Variants in RORA observed in about 807,000 individuals in gnomAD.
RORA encodes nuclear receptor ROR-alpha.
RORA carries 7 observed loss-of-function variants against 69.5 expected under a neutral mutation model. The ratio of observed to expected loss-of-function variants is 0.10; its 90% CI spans 0.06 to 0.19. RORA has a LOEUF of 0.19. RORA is among the 10% of genes least tolerant of loss of function. The probability of loss-of-function intolerance (pLI) is 1.00; values close to 1 mark genes in which losing one functional copy is unlikely to be tolerated. For missense variants in RORA, 457 were observed against 663.0 expected (o/e 0.69, Z 3.41); for synonymous variants, 261 against 240.8 (o/e 1.08, Z -0.78).
At chr15:61,194,323 G>A (rs914402693) in intron 1 of RORA, among the ~76,000 whole-genome samples, 2 of 152,170 alleles carry the variant, frequency 1.3e-5, no homozygotes, top group African/African-American at 4.8e-5. Flanking sequence ...ACTTTGGGAG[G>A]CAGAGGCAGG....
At chr15:60,889,350 C>T (rs966090208) in intron 1 of RORA, among the ~76,000 whole-genome samples, 1 of 136,288 alleles carries the variant, frequency 7.3e-6, no homozygotes, top group Admixed American at 7.5e-5. Context: ...GGGAGTGGGG[C>T]GGGGGGGGGG....
At chr15:60,882,598 T>C (rs2073695432) in intron 1 of RORA, among the ~76,000 whole-genome samples, 1 of 151,374 alleles carries the variant, frequency 6.6e-6, no homozygotes, top group Admixed American at 6.6e-5. Flanking sequence ...TACAGCATGT[T>C]TATTCTAAAA....
Position 61,064,288 on chromosome 15 carries a change from C to T in RORA, c.166+164765G>A, listed in dbSNP as rs57996261. Among the ~76,000 whole-genome samples the T allele has an allele frequency of 3.4e-3, 512 of 152,308 alleles. 1 individual carries two copies. The highest frequency in any genetic ancestry group is 0.012 in the African/African-American group (486 of 41,552). On this transcript the variant is annotated intron_variant, in intron 1 of 10. Coordinates refer to ENST00000335670, the MANE Select transcript of RORA (RefSeq NM_134261.3). The stretch of plus-strand genomic sequence containing the variant: ...ATTCACTTGAGTCACAGTTTCCATC[C>T]GCGAAGGTTGTCCAGGTAATTTTAG...
At chr15:60,699,009 A>G (rs1357655973) in intron 1 of RORA, among the ~76,000 whole-genome samples, 1 of 152,060 alleles carries the variant, frequency 6.6e-6, no homozygotes, top group Non-Finnish European at 1.5e-5. Context: ...AGACTTCTGT[A>G]TAGTTAATCA....
At chr15:60,690,567 T>A (rs1356837913) in intron 1 of RORA, among the ~76,000 whole-genome samples, 1 of 152,148 alleles carries the variant, frequency 6.6e-6, no homozygotes, top group East Asian at 1.9e-4. Flanking sequence ...TGTTCTTGAG[T>A]CTCTTTGCTA....
chr15:60,724,019 A>T (rs1419018337), intron 1 of RORA, among the ~76,000 whole-genome samples: 2 of 152,138 alleles, frequency 1.3e-5, no homozygotes, highest in Non-Finnish European at 2.9e-5. Flanking sequence ...AATGTACCAA[A>T]TCTGATAGTG....
intron 1 of RORA, among the ~76,000 whole-genome samples, chr15:60,729,799 T>A (rs888854342): frequency 3.3e-5 from 5 of 152,232 alleles, no homozygotes; most frequent in African/African-American, 1.2e-4. Flanking sequence ...AAATATGAAG[T>A]CTAATCCAAC....
intron 1 of RORA, among the ~76,000 whole-genome samples, chr15:60,851,967 T>G (rs983000903): frequency 6.6e-6 from 1 of 152,146 alleles, no homozygotes; most frequent in African/African-American, 2.4e-5. Context: ...CCATCAAGTC[T>G]CCAAGGTATC....
At chr15:60,840,681 A>C (rs906616555) in intron 1 of RORA, among the ~76,000 whole-genome samples, 1 of 152,236 alleles carries the variant, frequency 6.6e-6, no homozygotes, top group African/African-American at 2.4e-5. Flanking sequence ...AGAGCGAATG[A>C]GCTCTGTGTT....
chr15:60,960,884 G>C (rs1893398624), intron 1 of RORA, among the ~76,000 whole-genome samples: 1 of 152,098 alleles, frequency 6.6e-6, no homozygotes, highest in Non-Finnish European at 1.5e-5. Context: ...AGCAACCCAA[G>C]AGACCGACAC....
intron 2 of RORA, among the ~76,000 whole-genome samples, chr15:60,621,426 A>G (rs1430631724): frequency 6.6e-6 from 1 of 152,140 alleles, no homozygotes; most frequent in Non-Finnish European, 1.5e-5. Flanking sequence ...ACCGGGGCAC[A>G]CACAGAGAGC....
chr15:60,843,311 G>A (rs770169246), intron 1 of RORA, among the ~76,000 whole-genome samples: 3 of 152,152 alleles, frequency 2.0e-5, no homozygotes, highest in Admixed American at 6.5e-5. Context: ...AATCAGACAC[G>A]GTAGAAGGGA....
At chr15:60,565,079 TGAAGAA>T (rs1337894259) in intron 2 of RORA, among the ~76,000 whole-genome samples, 1 of 152,152 alleles carries the variant, frequency 6.6e-6, no homozygotes, top group Non-Finnish European at 1.5e-5. Context: ...ATCAGAGCTT[TGAAGAA>T]GAACACTGTC....
intron 1 of RORA, among the ~76,000 whole-genome samples, chr15:61,124,433 C>A (rs979175114): frequency 2.0e-5 from 3 of 152,122 alleles, no homozygotes; most frequent in Non-Finnish European, 2.9e-5. Context: ...CTCTGCCCCT[C>A]TGAGAGCAGA....
At chr15:60,897,043 G>A (rs767565827) in intron 1 of RORA, among the ~76,000 whole-genome samples, 9 of 152,146 alleles carry the variant, frequency 5.9e-5, no homozygotes, top group Non-Finnish European at 1.3e-4. Context: ...TTCAGGAGTG[G>A]GTCCTGGGGT....
At chr15:60,808,317 A>G (rs1319878138) in intron 1 of RORA, among the ~76,000 whole-genome samples, 2 of 151,660 alleles carry the variant, frequency 1.3e-5, no homozygotes, top group East Asian at 3.8e-4. Context: ...AAAAATGCTC[A>G]TCATCACTAA....
At chr15:60,668,645 ACAAT>A (rs1567148401) in intron 2 of RORA, among the ~76,000 whole-genome samples, 15 of 152,198 alleles carry the variant, frequency 9.9e-5, no homozygotes, top group Non-Finnish European at 1.5e-5. Flanking sequence ...GAGACTGGTA[ACAAT>A]CAATTATCCC....
At chr15:61,142,792 C>T (rs1002975794) in intron 1 of RORA, among the ~76,000 whole-genome samples, 1 of 151,952 alleles carries the variant, frequency 6.6e-6, no homozygotes, top group African/African-American at 2.4e-5. Context: ...AAAAAGCATT[C>T]GACAAAATCA....
intron 1 of RORA, among the ~76,000 whole-genome samples, chr15:61,159,660 G>T (rs2079477060): frequency 6.6e-6 from 1 of 152,136 alleles, no homozygotes; most frequent in Admixed American, 6.5e-5. Flanking sequence ...ATACATTTAG[G>T]TGACATATTG....
Sources: allele counts gnomAD v4.1 joint callset (sites outside exome capture counted in the v4.1 genomes callset), GRCh38; gene constraint gnomAD v4.1.1; transcripts MANE v1.5; gene names NCBI Gene and HGNC (gene_info 2026-07-23, HGNC 2026-07-21).